The following CALN1 variants were observed in gnomAD, a reference collection of about 807,000 sequenced individuals.
CALN1 encodes the protein calcium-binding protein 8.
CALN1 carries 17 observed loss-of-function variants against 30.6 expected under a neutral mutation model. The observed-to-expected ratio is 0.56, with a 90% CI of 0.38 to 0.83. The LOEUF (loss-of-function observed/expected upper bound fraction) is 0.83. Among genes scored for constraint, CALN1 ranks in the 40% least tolerant of loss-of-function variants. CALN1 has a pLI of 0.00. For synonymous variants in CALN1, 156 were observed against 131.4 expected, an observed-to-expected ratio of 1.19 and a Z score of -1.28; for missense variants, 291 against 354.9, an observed-to-expected ratio of 0.82 and a Z score of 1.45.
At chr7:71,953,335 C>T (rs749062287) in intron 5 of CALN1, among the ~76,000 whole-genome samples, 1 of 152,112 alleles carries the variant, frequency 6.6e-6, no homozygotes, top group Non-Finnish European at 1.5e-5. Context: ...TTAATATTTT[C>T]CATATGGCCT....
chr7:72,344,612 T>G (rs1243760036), intron 2 of CALN1, among the ~76,000 whole-genome samples: 1 of 145,398 alleles, frequency 6.9e-6, no homozygotes, highest in Non-Finnish European at 1.5e-5. Context: ...TTTATGTATT[T>G]TATGTATATA....
chr7:71,942,256 G>T, intron 5 of CALN1: 1 of 198,966 alleles, frequency 5.0e-6, no homozygotes, highest in South Asian at 7.9e-5. Context: ...CCACGCCGCC[G>T]TCATGGACAC....
chr7:72,375,841 G>A (rs747831706), intron 2 of CALN1, among the ~76,000 whole-genome samples: 24 of 152,040 alleles, frequency 1.6e-4, no homozygotes, highest in Admixed American at 3.3e-4. Flanking sequence ...TATTTACCAT[G>A]TTGTATAACT....
intron 2 of CALN1, among the ~76,000 whole-genome samples, chr7:72,325,193 G>A (rs545742045): frequency 1.5e-4 from 23 of 152,218 alleles, no homozygotes; most frequent in Admixed American, 1.4e-3. Context: ...AGCTACTCAG[G>A]AAGCTGAGGT....
chr7:72,026,286 C>T (rs1014932602), intron 4 of CALN1, among the ~76,000 whole-genome samples: 3 of 152,022 alleles, frequency 2.0e-5, no homozygotes, highest in African/African-American at 7.2e-5. Flanking sequence ...TAACAATGCA[C>T]TTAACAAAAT....
chr7:72,385,116 T>C (rs1805135619), intron 2 of CALN1, among the ~76,000 whole-genome samples: 2 of 152,320 alleles, frequency 1.3e-5, no homozygotes, highest in African/African-American at 2.4e-5. Flanking sequence ...TACACACATA[T>C]TAGAATGACT....
intron 4 of CALN1, among the ~76,000 whole-genome samples, chr7:72,087,720 A>ACAT (rs1233142139): frequency 6.6e-6 from 1 of 152,222 alleles, no homozygotes; most frequent in Non-Finnish European, 1.5e-5. Flanking sequence ...AACATAGAGA[A>ACAT]AGAACAGCTA....
At chr7:72,110,633 C>G (rs1044820753) in intron 3 of CALN1, among the ~76,000 whole-genome samples, 3 of 149,760 alleles carry the variant, frequency 2.0e-5, no homozygotes, top group African/African-American at 7.4e-5. Flanking sequence ...TGTCTGTCTG[C>G]AGAAGCAGAC....
rs144545397 is a variant in CALN1, at chr7:72,051,110, TA to T, written c.389-27342del. Among the ~76,000 whole-genome samples the T allele has an allele frequency of 8.7e-3, 1,320 of 151,874 alleles. 18 individuals are homozygous for T. Among genetic ancestry groups the T allele is most frequent in the African/African-American group, 0.028 (1,141 of 41,472 alleles). On this transcript the variant is annotated intron_variant, in intron 4 of 6. Coordinates refer to ENST00000395275, the MANE Select transcript of CALN1 (RefSeq NM_031468.4). ...TTAGAAAAGTTAGACTTAAAGGTAA[TA>T]GGGGTAATGATATAATTAGGGTGAT...
At chr7:72,215,092 C>T (rs1562749328) in intron 3 of CALN1, among the ~76,000 whole-genome samples, 1 of 152,002 alleles carries the variant, frequency 6.6e-6, no homozygotes, top group Non-Finnish European at 1.5e-5. Flanking sequence ...ATCCGACATC[C>T]CCCACTGCTC....
At chr7:71,931,639 C>T (rs563497557) in intron 5 of CALN1, among the ~76,000 whole-genome samples, 1 of 152,162 alleles carries the variant, frequency 6.6e-6, no homozygotes, top group Non-Finnish European at 1.5e-5. Flanking sequence ...TGTAATTTCA[C>T]GACATGGTAG....
intron 5 of CALN1, among the ~76,000 whole-genome samples, chr7:71,821,784 CTTTCT>C (rs201256955): frequency 0.16 from 23,130 of 144,236 alleles, 2,377 homozygotes; most frequent in East Asian, 0.55. Flanking sequence ...CTAAATGTTT[CTTTCT>C]TTTTTTTTTT....
At chr7:72,286,966 A>G (rs1798122433) in intron 2 of CALN1, among the ~76,000 whole-genome samples, 1 of 152,222 alleles carries the variant, frequency 6.6e-6, no homozygotes, top group South Asian at 2.1e-4. Context: ...AAAGGCAATA[A>G]GCTGAGAGGT....
At chr7:72,415,634 C>G (rs763686206), upstream of CALN1, among the ~76,000 whole-genome samples, 2 of 151,612 alleles carry the variant, frequency 1.3e-5, no homozygotes, top group Non-Finnish European at 2.9e-5. Flanking sequence ...CAAGAAGAAA[C>G]AACAACAAAC....
In CALN1 at chr7:71,787,484, C is replaced by T; in HGVS notation, c.*291G>A. 3.2e-6 allele frequency: 1 copy of T among 311,390 alleles called. No individual in the cohort carries two copies. Among genetic ancestry groups the T allele is most frequent in the Non-Finnish European group, 6.1e-6 (1 of 162,670 alleles). 19.3% of individuals were successfully genotyped at this position (311,390 alleles called of 1,614,324 possible). Reference sequence around the variant, plus strand: ...TCCGAGATGAAGATGAAGTTTTTCTCTAGAGTTATGACTGATGGTTGAAGC... The same window carrying T: ...TCCGAGATGAAGATGAAGTTTTTCTTTAGAGTTATGACTGATGGTTGAAGC... On this transcript the variant is annotated 3_prime_UTR_variant, in exon 7 of 7. Coordinates refer to ENST00000395275, the MANE Select transcript of CALN1 (RefSeq NM_031468.4).
At chr7:72,286,820 G>A (rs1176293579) in intron 2 of CALN1, among the ~76,000 whole-genome samples, 1 of 152,164 alleles carries the variant, frequency 6.6e-6, no homozygotes, top group African/African-American at 2.4e-5. Flanking sequence ...AAGAAGTACA[G>A]CAAAAGCCTA....
At chr7:72,494,930 G>C in the CALN1 span, among the ~76,000 whole-genome samples, 2 of 152,142 alleles carry the variant, frequency 1.3e-5, no homozygotes, top group Non-Finnish European at 2.9e-5. Flanking sequence ...CAAGGGCTGT[G>C]TGAGTGCCCT....
intron 2 of CALN1, among the ~76,000 whole-genome samples, chr7:72,287,358 T>C (rs1271224420): frequency 6.6e-6 from 1 of 152,088 alleles, no homozygotes; most frequent in Non-Finnish European, 1.5e-5. Context: ...ACCATCCATA[T>C]GCTTTTGCAA....
chr7:71,795,223 T>C (rs961310507), intron 6 of CALN1, among the ~76,000 whole-genome samples: 8 of 152,200 alleles, frequency 5.3e-5, no homozygotes, highest in African/African-American at 1.9e-4. Flanking sequence ...GGTTTCATCA[T>C]GTTGGCCAAG....
Sources: allele counts gnomAD v4.1 joint callset (sites outside exome capture counted in the v4.1 genomes callset), GRCh38; gene constraint gnomAD v4.1.1; transcripts MANE v1.5; gene names NCBI Gene and HGNC (gene_info 2026-07-23, HGNC 2026-07-21).